The following MAGI1 variants were observed in gnomAD, a reference collection of about 807,000 sequenced individuals.
The protein encoded by MAGI1 is membrane associated guanylate kinase, WW and PDZ domain containing 1, also known as membrane-associated guanylate kinase, WW and PDZ domain-containing protein 1.
A neutral mutation model predicts 139.9 loss-of-function variants in MAGI1; 58 were observed. That is an observed-to-expected ratio of 0.41 (90% CI 0.34 to 0.52). MAGI1 has a LOEUF of 0.52. Ranked by LOEUF, MAGI1 falls within the 20% of genes least tolerant of loss-of-function variation. The pLI, the probability that MAGI1 is intolerant of heterozygous loss-of-function variation, is 0.12. For missense variants in MAGI1, 1,874 were observed against 1,901.6 expected, an observed-to-expected ratio of 0.99 and a Z score of 0.27; for synonymous variants, 812 against 737.9, an observed-to-expected ratio of 1.10 and a Z score of -1.63.
At chr3:65,900,891 A>G (rs1387236475) in intron 1 of MAGI1, among the ~76,000 whole-genome samples, 1 of 152,222 alleles carries the variant, frequency 6.6e-6, no homozygotes, top group African/African-American at 2.4e-5. Context: ...GAGAGGAAGA[A>G]GTATATGCTA....
At chr3:65,851,047 C>CA in intron 1 of MAGI1, among the ~76,000 whole-genome samples, 1 of 152,026 alleles carries the variant, frequency 6.6e-6, no homozygotes, top group Admixed American at 6.5e-5. Flanking sequence ...GCAGAAGTTG[C>CA]AGTGAGCCGA....
intron 1 of MAGI1, among the ~76,000 whole-genome samples, chr3:65,780,024 G>T (rs535186021): frequency 8.7e-4 from 125 of 143,302 alleles, no homozygotes; most frequent in South Asian, 1.0e-3. Context: ...CAATTTTTTG[G>T]GGGGGGAAGG....
intron 1 of MAGI1, among the ~76,000 whole-genome samples, chr3:65,726,956 C>CA (rs539578446): frequency 0.044 from 4,467 of 102,160 alleles, 133 homozygotes; most frequent in East Asian, 0.17. Context: ...CTCCAAAATC[C>CA]AAAAAAAAAA....
At chr3:65,580,155 A>T (rs1377210416) in intron 2 of MAGI1, among the ~76,000 whole-genome samples, 2 of 152,198 alleles carry the variant, frequency 1.3e-5, no homozygotes, top group Non-Finnish European at 2.9e-5. Context: ...AAAAAAATTT[A>T]AAATGAAGCA....
At chr3:65,651,896 T>C (rs896687908) in intron 1 of MAGI1, among the ~76,000 whole-genome samples, 2 of 152,154 alleles carry the variant, frequency 1.3e-5, no homozygotes, top group South Asian at 4.1e-4. Flanking sequence ...AGAATGTATC[T>C]CTCCAGTTCA....
At chr3:65,738,207 G>A (rs914286319) in intron 1 of MAGI1, among the ~76,000 whole-genome samples, 2 of 152,200 alleles carry the variant, frequency 1.3e-5, no homozygotes, top group East Asian at 1.9e-4. Context: ...AGTGAATATT[G>A]CAATAAAGCA....
intron 1 of MAGI1, among the ~76,000 whole-genome samples, chr3:65,822,126 A>G (rs1342621874): frequency 2.0e-5 from 3 of 152,200 alleles, no homozygotes; most frequent in Non-Finnish European, 4.4e-5. Flanking sequence ...AGGGCAAACA[A>G]CCCAGTTTCT....
intron 1 of MAGI1, among the ~76,000 whole-genome samples, chr3:65,626,598 A>G (rs1257748548): frequency 6.6e-6 from 1 of 152,194 alleles, no homozygotes; most frequent in Non-Finnish European, 1.5e-5. Context: ...TGCTGGGATT[A>G]CAAGTGTGAG....
At chr3:65,720,207 T>G (rs187944077) in intron 1 of MAGI1, 1 of 152,192 alleles carries the variant, frequency 6.6e-6, no homozygotes, top group African/African-American at 2.4e-5. Flanking sequence ...TTTTTTTTAA[T>G]GTTAATGCAA....
At position 65,379,570 on chromosome 3, in the gene MAGI1, G is replaced by A. The variant is rs1011022330; in HGVS notation, c.2702-16C>T. The A allele has an allele frequency of 4.4e-6, 7 of 1,596,146 alleles. No individual in the cohort carries two copies. Among genetic ancestry groups the A allele is most frequent in the Non-Finnish European group, 6.0e-6 (7 of 1,166,392 alleles). Reference sequence around the variant, plus strand: ...GTTTTGGGCACTGTAGCAGAGAGATGCACGCGTACATCACCGTGTCCTGCA... The same window carrying A: ...GTTTTGGGCACTGTAGCAGAGAGATACACGCGTACATCACCGTGTCCTGCA... On this transcript the variant is annotated splice_polypyrimidine_tract_variant and intron_variant, in intron 16 of 22. Coordinates refer to ENST00000402939, the MANE Select transcript of MAGI1 (RefSeq NM_001033057.2).
At chr3:65,871,200 G>A (rs928880511) in intron 1 of MAGI1, among the ~76,000 whole-genome samples, 7 of 152,018 alleles carry the variant, frequency 4.6e-5, no homozygotes, top group African/African-American at 1.7e-4. Flanking sequence ...ACCTCCCAAA[G>A]TGCTGGGATT....
intron 1 of MAGI1, among the ~76,000 whole-genome samples, chr3:65,680,531 C>T (rs921449781): frequency 2.0e-5 from 3 of 152,144 alleles, no homozygotes; most frequent in African/African-American, 7.2e-5. Flanking sequence ...CCTCCTGCCT[C>T]AGTCTCCTGA....
intron 1 of MAGI1, among the ~76,000 whole-genome samples, chr3:66,031,621 A>T (rs953043794): frequency 5.3e-5 from 8 of 152,144 alleles, no homozygotes; most frequent in African/African-American, 1.9e-4. Flanking sequence ...GTAACCTAAA[A>T]ATATCCTTCC....
At chr3:65,402,663 G>C (rs1945005829) in intron 12 of MAGI1, among the ~76,000 whole-genome samples, 1 of 152,142 alleles carries the variant, frequency 6.6e-6, no homozygotes, top group Admixed American at 6.5e-5. Flanking sequence ...TCTTTTGGAA[G>C]TGACTTGTCA....
At chr3:65,810,460 G>C (rs1218976640) in intron 1 of MAGI1, among the ~76,000 whole-genome samples, 1 of 152,244 alleles carries the variant, frequency 6.6e-6, no homozygotes, top group African/African-American at 2.4e-5. Context: ...TTCCATTACA[G>C]TGTTGATTAG....
At chr3:65,959,701 G>C (rs1435913686) in intron 1 of MAGI1, among the ~76,000 whole-genome samples, 1 of 147,224 alleles carries the variant, frequency 6.8e-6, no homozygotes, top group Non-Finnish European at 1.5e-5. Flanking sequence ...CTGGACTCAA[G>C]TGATCCTCCC....
At chr3:65,688,170 C>T (rs184009325) in intron 1 of MAGI1, 478 of 768,146 alleles carry the variant, frequency 6.2e-4, no homozygotes, top group African/African-American at 5.1e-3. Flanking sequence ...CACTGACCCC[C>T]GTGAGAGCGG....
chr3:65,549,451 C>T, intron 2 of MAGI1: 2 of 985,220 alleles, frequency 2.0e-6, no homozygotes, highest in Non-Finnish European at 2.4e-6. Flanking sequence ...CGGTCACTGC[C>T]GGAGCCCAGG....
chr3:65,870,327 A>G (rs1367663494), intron 1 of MAGI1, among the ~76,000 whole-genome samples: 1 of 152,082 alleles, frequency 6.6e-6, no homozygotes, highest in Non-Finnish European at 1.5e-5. Flanking sequence ...AGTGAAAGAG[A>G]AAGACTGTCC....
Sources: gnomAD v4.1 joint callset for allele counts (sites outside exome capture counted in the v4.1 genomes callset) on GRCh38, gnomAD v4.1.1 for gene constraint, MANE v1.5 for transcripts, NCBI Gene and HGNC (gene_info 2026-07-23, HGNC 2026-07-21) for gene names.